DENND5A: variants seen among roughly 807,000 people sequenced by gnomAD.
DENND5A encodes the protein DENN domain-containing protein 5A.
DENND5A carries 64 observed loss-of-function variants against 140.3 expected under a neutral mutation model. The observed-to-expected ratio is 0.46, with a 90% CI of 0.37 to 0.56. The LOEUF is 0.56. Ranked by LOEUF, DENND5A falls within the 20% of genes least tolerant of loss-of-function variation. DENND5A has a pLI of 0.00. For synonymous variants in DENND5A, 605 were observed against 607.7 expected, an observed-to-expected ratio of 1.00 and a Z score of 0.07; for missense variants, 1,292 against 1,593.8, an observed-to-expected ratio of 0.81 and a Z score of 3.22.
chr11:9,258,989 A>G (rs1852072664), intron 1 of DENND5A, among the ~76,000 whole-genome samples: 2 of 152,114 alleles, frequency 1.3e-5, no homozygotes, highest in Admixed American at 6.6e-5. Flanking sequence ...GGCTGGGCGC[A>G]GTGGCTCACA....
intron 1 of DENND5A, among the ~76,000 whole-genome samples, chr11:9,216,405 TGG>T (rs1384970470): frequency 6.6e-6 from 1 of 152,082 alleles, no homozygotes; most frequent in Non-Finnish European, 1.5e-5. Context: ...CAATGGAGGA[TGG>T]GGAGTGGCAT....
intron 11 of DENND5A, 69 bp downstream of exon 11, chr11:9,165,767 G>C (rs755408263): frequency 3.8e-6 from 6 of 1,569,636 alleles, no homozygotes; most frequent in Non-Finnish European, 3.5e-6. Context: ...GGAGTGGTCA[G>C]AGCCAATCCT....
intron 5 of DENND5A, among the ~76,000 whole-genome samples, chr11:9,188,115 G>C (rs960985530): frequency 1.3e-5 from 2 of 152,152 alleles, no homozygotes; most frequent in Non-Finnish European, 2.9e-5. Context: ...GACCCAGTGG[G>C]GGATAGTTGA....
At chr11:9,205,097 G>A (rs1849651742) in intron 3 of DENND5A, among the ~76,000 whole-genome samples, 1 of 152,124 alleles carries the variant, frequency 6.6e-6, no homozygotes, top group Non-Finnish European at 1.5e-5. Flanking sequence ...AAACAAACTT[G>A]TAAATAGTAT....
chr11:9,220,631 A>ATTTT (rs1850273007), intron 1 of DENND5A, among the ~76,000 whole-genome samples: 3 of 151,182 alleles, frequency 2.0e-5, no homozygotes, highest in African/African-American at 7.3e-5. Context: ...GGTGGCTCAC[A>ATTTT]CCTATAATCC....
intron 5 of DENND5A, among the ~76,000 whole-genome samples, chr11:9,182,102 G>A (rs1848751296): frequency 6.6e-6 from 1 of 152,060 alleles, no homozygotes; most frequent in Non-Finnish European, 1.5e-5. Context: ...GATCACCTGA[G>A]GTCAGAGGTT....
intron 10 of DENND5A, among the ~76,000 whole-genome samples, chr11:9,168,174 C>G (rs1486302206): frequency 6.7e-5 from 10 of 149,646 alleles, no homozygotes; most frequent in Non-Finnish European, 1.2e-4. Flanking sequence ...CAAATCTCAT[C>G]TTGAATTGTA....
At chr11:9,201,669 C>G (rs1477659769) in intron 4 of DENND5A, among the ~76,000 whole-genome samples, 2 of 151,762 alleles carry the variant, frequency 1.3e-5, no homozygotes, top group Non-Finnish European at 2.9e-5. Context: ...GACCCTGTCT[C>G]AAAAGGAAAA....
At chr11:9,146,520 ACT>A (rs1847436816) in intron 16 of DENND5A, among the ~76,000 whole-genome samples, 1 of 152,096 alleles carries the variant, frequency 6.6e-6, no homozygotes, top group Non-Finnish European at 1.5e-5. Flanking sequence ...AGCAGGATAG[ACT>A]CTGCTCACAG....
intron 15 of DENND5A, among the ~76,000 whole-genome samples, chr11:9,148,792 A>G (rs986912629): frequency 2.0e-5 from 3 of 152,236 alleles, no homozygotes; most frequent in Non-Finnish European, 4.4e-5. Context: ...ATGGAAATAA[A>G]TGCAGGAGTG....
At chr11:9,232,452 T>C (rs1850812384) in intron 1 of DENND5A, among the ~76,000 whole-genome samples, 2 of 152,118 alleles carry the variant, frequency 1.3e-5, no homozygotes, top group South Asian at 2.1e-4. Flanking sequence ...AAAAGACATA[T>C]AAATGCCTAA....
chr11:9,228,110 CAA>C (rs548141276), intron 1 of DENND5A, among the ~76,000 whole-genome samples: 3 of 72,676 alleles, frequency 4.1e-5, no homozygotes, highest in Non-Finnish European at 5.1e-5. Flanking sequence ...GACTCCATCT[CAA>C]AAAAAAAAAA....
At chr11:9,226,429 C>A (rs1850532026) in intron 1 of DENND5A, among the ~76,000 whole-genome samples, 1 of 152,114 alleles carries the variant, frequency 6.6e-6, no homozygotes, top group African/African-American at 2.4e-5. Context: ...TCTATCCTTT[C>A]CAATCTATAT....
At chr11:9,228,793 G>A (rs1198815674) in intron 1 of DENND5A, among the ~76,000 whole-genome samples, 1 of 151,916 alleles carries the variant, frequency 6.6e-6, no homozygotes, top group Non-Finnish European at 1.5e-5. Context: ...ATTGCAGAAT[G>A]GTGCACTCAG....
At chr11:9,260,103 A>G (rs1055573161) in intron 1 of DENND5A, among the ~76,000 whole-genome samples, 1 of 150,486 alleles carries the variant, frequency 6.6e-6, no homozygotes, top group Admixed American at 6.6e-5. Context: ...CATACAGCAC[A>G]CTGGCCAGTT....
At chr11:9,173,660 G>A (rs542381566) in intron 8 of DENND5A, among the ~76,000 whole-genome samples, 9 of 152,128 alleles carry the variant, frequency 5.9e-5, no homozygotes, top group Middle Eastern at 3.2e-3. Context: ...TGGCAGTTCT[G>A]TACAGTTCTT....
At chr11:9,242,436 G>GCC (rs548324023) in intron 1 of DENND5A, 17 of 152,276 alleles carry the variant, frequency 1.1e-4, no homozygotes, top group Admixed American at 2.0e-4. Flanking sequence ...AAGACTATGA[G>GCC]CCCCTTAAGG....
At chr11:9,241,231 T>G (rs969730421) in intron 1 of DENND5A, among the ~76,000 whole-genome samples, 2 of 152,192 alleles carry the variant, frequency 1.3e-5, no homozygotes, top group African/African-American at 4.8e-5. Flanking sequence ...TGTAGGTGCG[T>G]AACATTAAAA....
chr11:9,172,530 G>C (rs983054396), intron 8 of DENND5A, among the ~76,000 whole-genome samples: 1 of 152,148 alleles, frequency 6.6e-6, no homozygotes, highest in Middle Eastern at 3.2e-3. Flanking sequence ...GAATCACAGG[G>C]GCGGTTTCCC....
Sources: gnomAD v4.1 joint callset for allele counts (sites outside exome capture counted in the v4.1 genomes callset) on GRCh38, gnomAD v4.1.1 for gene constraint, MANE v1.5 for transcripts, NCBI Gene and HGNC (gene_info 2026-07-23, HGNC 2026-07-21) for gene names.